Variants in UGT1A9 observed in about 807,000 individuals in gnomAD.
UGT1A9 encodes the protein UDP glucuronosyltransferase family 1 member A9, also known as UDP-glucuronosyltransferase 1A9.
UGT1A9 carries 35 observed loss-of-function variants against 45.0 expected under a neutral mutation model. The ratio of observed to expected loss-of-function variants is 0.78; its 90% CI spans 0.59 to 1.03. The LOEUF (loss-of-function observed/expected upper bound fraction) is 1.03, where lower values mean the gene tolerates loss of function less well. UGT1A9 is among the 50% of genes least tolerant of loss of function. The probability of loss-of-function intolerance (pLI) is 0.00; values close to 1 mark genes in which losing one functional copy is unlikely to be tolerated. For missense variants in UGT1A9, 687 were observed against 666.6 expected, an observed-to-expected ratio of 1.03 and a Z score of -0.34; for synonymous variants, 278 against 250.6, an observed-to-expected ratio of 1.11 and a Z score of -1.03.
chr2:233,684,973 TTGA>T (rs796323328), intron 1 of UGT1A9, among the ~76,000 whole-genome samples: 38 of 152,250 alleles, frequency 2.5e-4, no homozygotes, highest in African/African-American at 8.9e-4. Context: ...AAAGCATTGC[TTGA>T]TGATGCAGTG....
At position 233,717,544 on chromosome 2, in the gene UGT1A9, C is replaced by A. The variant is rs1401420661; in HGVS notation, c.855+44755C>A. Among the ~76,000 whole-genome samples, 6 of 152,334 alleles carry A rather than the reference C, an allele frequency of 3.9e-5. No individual in the cohort carries two copies. The East Asian group carries it at 1.2e-3, about 29-fold the overall frequency. On this transcript the variant is annotated intron_variant, in intron 1 of 4. Transcript: ENST00000354728. The stretch of plus-strand genomic sequence containing the variant: ...TCCTCCATAAGGGAAGCCTCAGCCT[C>A]ACCAGCAATGGCAGACATGGCCAGG...
At chr2:233,716,532 T>G (rs570808128) in intron 1 of UGT1A9, among the ~76,000 whole-genome samples, 3 of 152,316 alleles carry the variant, frequency 2.0e-5, no homozygotes, top group African/African-American at 7.2e-5. Flanking sequence ...TTCAATTATC[T>G]CCTTTCTCTC....
chr2:233,743,632 GT>G, intron 1 of UGT1A9: 1 of 1,367,332 alleles, frequency 7.3e-7, no homozygotes, highest in Non-Finnish European at 9.8e-7. Flanking sequence ...CGTCGGCTGG[GT>G]CGCGGAAGCT....
intron 1 of UGT1A9, among the ~76,000 whole-genome samples, chr2:233,686,736 G>A (rs1365120350): frequency 6.6e-6 from 1 of 152,116 alleles, no homozygotes; most frequent in Non-Finnish European, 1.5e-5. Flanking sequence ...TCAACCTCTT[G>A]CCTTCCCTAG....
chr2:233,747,223 G>C, intron 1 of UGT1A9: 1 of 1,605,538 alleles, frequency 6.2e-7, no homozygotes, highest in Non-Finnish European at 8.5e-7. Context: ...GATGGCCACA[G>C]GACCCCAGGT....
chr2:233,772,680 C>G lies in UGT1A9; in HGVS notation c.*121C>G. 6.5e-7 allele frequency: 1 copy of G among 1,530,096 alleles called. No individual in the cohort carries two copies. The highest frequency in any genetic ancestry group is 8.8e-7 in the Non-Finnish European group (1 of 1,141,550). 94.8% of individuals were successfully genotyped at this position (1,530,096 alleles called of 1,614,324 possible). Reference sequence around the variant, plus strand: ...AAGGAAATACTTTGCATAAATTAATCAGCCCCAGAGTGCTTTAAAAAATTC... The same window carrying G: ...AAGGAAATACTTTGCATAAATTAATGAGCCCCAGAGTGCTTTAAAAAATTC... On this transcript the variant is annotated 3_prime_UTR_variant, in exon 5 of 5. Transcript: ENST00000354728.
chr2:233,760,739 A>C, intron 1 of UGT1A9: 1 of 1,613,934 alleles, frequency 6.2e-7, no homozygotes, highest in Non-Finnish European at 8.5e-7. Context: ...ATGCTGACGG[A>C]CCCTTTCCTT....
Position 233,693,465 on chromosome 2 carries a change from C to G in UGT1A9, c.855+20676C>G, listed in dbSNP as rs139410055. The G allele has an allele frequency of 3.7e-6, 6 of 1,613,952 alleles. No homozygotes were observed. The African/African-American group carries it at 6.7e-5, about 18-fold the overall frequency. The stretch of plus-strand genomic sequence containing the variant: ...GCTCTTTTCACAGACCCAGCCTTAC[C>G]CTGTGGGGTGATCCTGGCTGAGTAT... On this transcript the variant is annotated intron_variant, in intron 1 of 4. Coordinates refer to ENST00000354728, the MANE Select transcript of UGT1A9 (RefSeq NM_021027.3).
At chr2:233,752,950 A>G (rs1198772139) in intron 1 of UGT1A9, among the ~76,000 whole-genome samples, 1 of 152,220 alleles carries the variant, frequency 6.6e-6, no homozygotes, top group Non-Finnish European at 1.5e-5. Context: ...ACCACTGAAC[A>G]ATGGGATTTA....
intron 1 of UGT1A9, among the ~76,000 whole-genome samples, chr2:233,762,024 AT>A (rs967311965): frequency 2.6e-5 from 4 of 151,856 alleles, no homozygotes; most frequent in Non-Finnish European, 4.4e-5. Context: ...TTTGTATTTT[AT>A]TTTTTTTAAT....
rs35350960 is a variant in UGT1A9, at chr2:233,760,973, C to T, written c.856-6061C>T. On this transcript the variant is annotated intron_variant, in intron 1 of 4. Coordinates refer to ENST00000354728, the MANE Select transcript of UGT1A9 (RefSeq NM_021027.3). The stretch of plus-strand genomic sequence containing the variant: ...TTTCTGTGCGACGTGGTTTATTCCC[C>T]GTATGCAACCCTTGCCTCAGAATTC... 4.6e-5 allele frequency: 74 copies of T among 1,614,056 alleles called. No homozygotes were observed. Among genetic ancestry groups the T allele is most frequent in the Non-Finnish European group, 5.4e-5 (64 of 1,180,038 alleles).
At chr2:233,675,954 C>T (rs1396654712) in intron 1 of UGT1A9, among the ~76,000 whole-genome samples, 4 of 152,052 alleles carry the variant, frequency 2.6e-5, no homozygotes, top group African/African-American at 9.7e-5. Flanking sequence ...AAAATTTCCC[C>T]GGATTGTCTC....
chr2:233,693,717 A>G lies in UGT1A9; in HGVS notation c.855+20928A>G, dbSNP rs749822661. Reference sequence around the variant, plus strand: ...GAAGAACTCGCATCAGCTGTCCTCAAGAGAGATGTGGATATAATCACCTTA... The same window carrying G: ...GAAGAACTCGCATCAGCTGTCCTCAGGAGAGATGTGGATATAATCACCTTA... On this transcript the variant is annotated intron_variant, in intron 1 of 4. Transcript: ENST00000354728. 1.5e-5 allele frequency: 25 copies of G among 1,614,098 alleles called. No homozygotes were observed. Among genetic ancestry groups the G allele is most frequent in the Non-Finnish European group, 2.0e-5 (24 of 1,180,042 alleles).
intron 1 of UGT1A9, chr2:233,719,098 C>A (rs188914242): frequency 6.2e-7 from 1 of 1,614,122 alleles, no homozygotes; most frequent in Non-Finnish European, 8.5e-7. Flanking sequence ...GATCGCGTTA[C>A]GCTGGGCTAC....
chr2:233,719,860 C>G (rs995167263), intron 1 of UGT1A9, among the ~76,000 whole-genome samples: 4 of 152,118 alleles, frequency 2.6e-5, no homozygotes, highest in African/African-American at 9.7e-5. Flanking sequence ...TCAGTGGTCA[C>G]TGAGAGGAAG....
chr2:233,710,696 G>A (rs2076143599), intron 1 of UGT1A9, among the ~76,000 whole-genome samples: 1 of 152,172 alleles, frequency 6.6e-6, no homozygotes, highest in South Asian at 2.1e-4. Context: ...CTTCTGGTGT[G>A]TGGTGTCCTT....
At chr2:233,764,170 A>C (rs1698494492) in intron 1 of UGT1A9, among the ~76,000 whole-genome samples, 1 of 152,226 alleles carries the variant, frequency 6.6e-6, no homozygotes, top group Non-Finnish European at 1.5e-5. Flanking sequence ...TCATCAGAAC[A>C]GGGAAATTCT....
chr2:233,720,901 A>G (rs1393061406), intron 1 of UGT1A9, among the ~76,000 whole-genome samples: 5 of 132,048 alleles, frequency 3.8e-5, no homozygotes, highest in Admixed American at 7.7e-5. Flanking sequence ...AGTAGAGATG[A>G]GGTTTCGCAA....
chr2:233,710,224 C>G (rs2076120993), intron 1 of UGT1A9, among the ~76,000 whole-genome samples: 1 of 152,156 alleles, frequency 6.6e-6, no homozygotes, highest in African/African-American at 2.4e-5. Flanking sequence ...AATAAAGCTG[C>G]TATGACTATT....
Sources: gnomAD v4.1 joint callset for allele counts (sites outside exome capture counted in the v4.1 genomes callset) on GRCh38, gnomAD v4.1.1 for gene constraint, MANE v1.5 for transcripts, NCBI Gene and HGNC (gene_info 2026-07-23, HGNC 2026-07-21) for gene names.